Variants in RNF157 observed in about 807,000 individuals in gnomAD.
The protein encoded by RNF157 is ring finger protein 157.
In RNF157, 55 loss-of-function variants were observed where a neutral mutation model predicts 88.3. The ratio of observed to expected loss-of-function variants is 0.62; its 90% CI spans 0.50 to 0.78. The LOEUF (loss-of-function observed/expected upper bound fraction) is 0.78. Ranked by LOEUF, RNF157 falls within the 30% of genes least tolerant of loss-of-function variation. The probability of loss-of-function intolerance (pLI) is 0.00; values close to 1 mark genes in which losing one functional copy is unlikely to be tolerated. For missense variants in RNF157, 788 were observed against 860.8 expected, an observed-to-expected ratio of 0.92 and a Z score of 1.06; for synonymous variants, 334 against 341.2, an observed-to-expected ratio of 0.98 and a Z score of 0.23.
At position 76,223,733 on chromosome 17, in the gene RNF157, C is replaced by T. The variant is rs992182073; in HGVS notation, c.89-11251G>A. On this transcript the variant is annotated intron_variant, in intron 1 of 18. Transcript: ENST00000269391. ...AGAACCACTAAGTTCAACGTACAGCCTCCCTGTTCAGAATAAAATATGGAA... is the reference window on the plus strand; with the variant it reads ...AGAACCACTAAGTTCAACGTACAGCTTCCCTGTTCAGAATAAAATATGGAA... Among the ~76,000 whole-genome samples the T allele has an allele frequency of 1.8e-4, 28 of 152,016 alleles. 1 individual carries two copies.
intron 1 of RNF157, chr17:76,226,065 A>T: frequency 6.2e-7 from 1 of 1,604,600 alleles, no homozygotes; most frequent in African/African-American, 1.3e-5. Context: ...ACACCTGGAG[A>T]TGGGAGGCTC....
chr17:76,239,004 T>G (rs961857083), intron 1 of RNF157, among the ~76,000 whole-genome samples: 3 of 152,208 alleles, frequency 2.0e-5, no homozygotes, highest in African/African-American at 4.8e-5. Context: ...TGCTTTCACC[T>G]GGCAGACACT....
At chr17:76,235,973 C>A (rs1341885358) in intron 1 of RNF157, among the ~76,000 whole-genome samples, 2 of 152,174 alleles carry the variant, frequency 1.3e-5, no homozygotes, top group Admixed American at 6.5e-5. Flanking sequence ...AACACCACTG[C>A]ACTCCAGCCT....
chr17:76,155,757 A>T, intron 14 of RNF157, 23 bp from the exon 15 acceptor site: 1 of 1,515,394 alleles, frequency 6.6e-7, no homozygotes, highest in Non-Finnish European at 8.8e-7. Flanking sequence ...GGGATGGGGA[A>T]AGGAGCCTGG....
chr17:76,193,397 G>T (rs116286837), intron 2 of RNF157, among the ~76,000 whole-genome samples: 1 of 152,126 alleles, frequency 6.6e-6, no homozygotes, highest in East Asian at 1.9e-4. Flanking sequence ...AAGCAATTAG[G>T]TAAGTATCTC....
In RNF157 at chr17:76,158,293, T is replaced by C. The variant is rs2068795622; in HGVS notation, c.1413+100A>G. ...GCCTCAGAGGGTGCTGACAAGGTGT[T>C]TGATGAGTGAATGAGAGCAGAGGGA... On this transcript the variant is annotated intron_variant, in intron 13 of 18. Transcript: ENST00000269391. 5.0e-6 allele frequency: 4 copies of C among 797,360 alleles called. No individual in the cohort carries two copies. The Admixed American group carries it at 5.2e-5, about 10-fold the overall frequency. 49.4% of individuals were successfully genotyped at this position (797,360 alleles called of 1,614,324 possible).
intron 1 of RNF157, among the ~76,000 whole-genome samples, chr17:76,239,487 G>A (rs2070336752): frequency 6.6e-6 from 1 of 152,066 alleles, no homozygotes; most frequent in Admixed American, 6.5e-5. Context: ...GGCAATCCGA[G>A]TAACTCTGAT....
chr17:76,150,601 A>C (rs1158886569), intron 18 of RNF157, among the ~76,000 whole-genome samples: 1 of 151,262 alleles, frequency 6.6e-6, no homozygotes, highest in Non-Finnish European at 1.5e-5. Flanking sequence ...GAGCTGCCTC[A>C]GACACAGGGC....
intron 2 of RNF157, among the ~76,000 whole-genome samples, chr17:76,205,761 A>AAATT (rs1165444181): frequency 6.7e-6 from 1 of 150,110 alleles, no homozygotes; most frequent in Non-Finnish European, 1.5e-5. Flanking sequence ...ATAAATAAAT[A>AAATT]AAATAATAAT....
In RNF157 at chr17:76,155,414, G is replaced by T. The variant is rs967480891; in HGVS notation, c.1699-97C>A. ...AACAAAATTGGTGTCAAATAGGAGG[G>T]TCAGACCTAAGGGAATGCCTTGTTT... On this transcript the variant is annotated intron_variant, in intron 15 of 18. Coordinates refer to ENST00000269391, the MANE Select transcript of RNF157 (RefSeq NM_052916.3). 3 of 1,461,232 alleles carry T rather than the reference G, an allele frequency of 2.1e-6. No homozygotes were observed. The African/African-American group carries it at 4.2e-5, about 20-fold the overall frequency. 90.5% of individuals were successfully genotyped at this position (1,461,232 alleles called of 1,614,324 possible).
intron 1 of RNF157, among the ~76,000 whole-genome samples, chr17:76,214,422 A>G (rs2069854275): frequency 6.6e-6 from 1 of 152,134 alleles, no homozygotes; most frequent in Non-Finnish European, 1.5e-5. Context: ...GCTTATACCT[A>G]CACACAGAAG....
intron 3 of RNF157, among the ~76,000 whole-genome samples, chr17:76,172,682 T>A (rs937944879): frequency 6.9e-6 from 1 of 145,222 alleles, no homozygotes; most frequent in Non-Finnish European, 1.5e-5. Flanking sequence ...GACAGAAACA[T>A]TGTAATGCTA....
chr17:76,165,231 A>C (rs1178924623), intron 7 of RNF157, among the ~76,000 whole-genome samples: 1 of 152,138 alleles, frequency 6.6e-6, no homozygotes, highest in Non-Finnish European at 1.5e-5. Flanking sequence ...GAGCAGAATT[A>C]TACAATCCTA....
In RNF157 at chr17:76,145,306, G is replaced by A. The variant is rs201662506; in HGVS notation, c.1969C>T (p.Arg657Trp). 62 of 1,612,380 alleles carry A rather than the reference G, an allele frequency of 3.8e-5. No homozygotes were observed. Among genetic ancestry groups the A allele is most frequent in the Middle Eastern group, 1.7e-4 (1 of 6,038 alleles). The change falls in exon 19 of 19, where the codon CGG becomes TGG. Residue 657 changes from arginine to tryptophan, a missense_variant. Coordinates refer to ENST00000269391, the MANE Select transcript of RNF157 (RefSeq NM_052916.3). Reference protein sequence around the residue: ...DNAVSRNAQRRRLSSSSLEDS... With the variant: ...DNAVSRNAQRWRLSSSSLEDS... ...TCCAGGCTGCTGGATGACAAGCGCC[G>A]GCGCTGGGCATTCCGACTGACGGCA...
At chr17:76,205,418 C>T (rs1057221332) in intron 2 of RNF157, among the ~76,000 whole-genome samples, 4 of 152,184 alleles carry the variant, frequency 2.6e-5, no homozygotes, top group African/African-American at 4.8e-5. Context: ...AGGGATAAGC[C>T]GCCATGCCGG....
In RNF157 at chr17:76,230,230, A is replaced by G. The variant is rs559307981; in HGVS notation, c.88+9923T>C. ...ATCCTCTATTCTGTGGTTTTGGGAA[A>G]TAAGTGGGTTTCTGTCTAATTTCCC... On this transcript the variant is annotated intron_variant, in intron 1 of 18. Transcript: ENST00000269391. Among the ~76,000 whole-genome samples, 5 of 152,302 alleles carry G rather than the reference A, an allele frequency of 3.3e-5. No homozygotes were observed. In the South Asian group the frequency reaches 1.0e-3, roughly 32 times the overall value.
At chr17:76,183,721 G>C (rs904035953) in intron 2 of RNF157, among the ~76,000 whole-genome samples, 2 of 151,208 alleles carry the variant, frequency 1.3e-5, no homozygotes, top group African/African-American at 4.9e-5. Context: ...GTAAGGAAGA[G>C]CTGTCCTTTA....
At chr17:76,162,646 C>G in intron 8 of RNF157, 23 bp from the exon 9 acceptor site, 1 of 1,583,054 alleles carries the variant, frequency 6.3e-7, no homozygotes, top group South Asian at 1.1e-5. Context: ...CAGAAAGGTT[C>G]AAGGACAGGC....
intron 2 of RNF157, among the ~76,000 whole-genome samples, chr17:76,180,339 T>C (rs1323721400): frequency 6.6e-6 from 1 of 152,186 alleles, no homozygotes; most frequent in Non-Finnish European, 1.5e-5. Context: ...ACATTAAGTG[T>C]GAGTACCTTT....
Sources: gnomAD v4.1 joint callset for allele counts (sites outside exome capture counted in the v4.1 genomes callset) on GRCh38, gnomAD v4.1.1 for gene constraint, MANE v1.5 for transcripts, NCBI Gene and HGNC (gene_info 2026-07-23, HGNC 2026-07-21) for gene names.